ZNF395: variants seen among roughly 807,000 people sequenced by gnomAD.
The protein encoded by ZNF395 is zinc finger protein 395, also known as HD gene regulatory region-binding protein 2.
ZNF395 carries 20 observed loss-of-function variants against 57.7 expected under a neutral mutation model. The observed-to-expected ratio is 0.35, with a 90% CI of 0.24 to 0.50. The LOEUF is 0.50. ZNF395 is among the 20% of genes least tolerant of loss of function. The probability of loss-of-function intolerance (pLI) is 0.97; values close to 1 mark genes in which losing one functional copy is unlikely to be tolerated. For missense variants in ZNF395, 606 were observed against 671.2 expected, an observed-to-expected ratio of 0.90 and a Z score of 1.07; for synonymous variants, 295 against 275.9, an observed-to-expected ratio of 1.07 and a Z score of -0.69.
chr8:28,349,221 C>G lies in ZNF395; in HGVS notation c.1334G>C (p.Ser445Thr), dbSNP rs978469573. 3.9e-6 allele frequency: 6 copies of G among 1,543,930 alleles called. No homozygotes were observed. In the African/African-American group the frequency reaches 8.3e-5, roughly 21 times the overall value. ...SAACSLSPVR[S>T]RSLSFSEPQQ... is the part of the protein sequence containing the mutation. ...GGGCTCGCTGAAGCTTAGCGACCGGCTCCGGACCTGGGCGTGGGGAGAGGG... is the reference window on the plus strand; with the variant it reads ...GGGCTCGCTGAAGCTTAGCGACCGGGTCCGGACCTGGGCGTGGGGAGAGGG... Residue 445 changes from serine (S) to threonine (T), a missense_variant, in exon 9 of 10, where the codon AGC (serine) becomes ACC (threonine). Ser to Thr is a moderately conservative substitution (Grantham distance 58). Around this residue, in one of 3 missense-constraint regions of ZNF395, gnomAD observed 261 missense variants for 240.3 expected, o/e 1.09. Coordinates refer to ENST00000344423, the MANE Select transcript of ZNF395 (RefSeq NM_018660.3).
chr8:28,366,447 C>CT (rs1801911695), intron 1 of ZNF395, among the ~76,000 whole-genome samples: 1 of 152,088 alleles, frequency 6.6e-6, no homozygotes, highest in African/African-American at 2.4e-5. Context: ...TGGTACACGC[C>CT]TATAGTTCCA....
chr8:28,358,535 C>T (rs769893385), intron 3 of ZNF395, among the ~76,000 whole-genome samples: 18 of 152,038 alleles, frequency 1.2e-4, no homozygotes, highest in South Asian at 2.1e-4. Flanking sequence ...ACCTGGACTC[C>T]AGCAATCCTC....
chr8:28,360,991 G>C lies in ZNF395; in HGVS notation c.134C>G (p.Pro45Arg). Residue 45 changes from proline (P) to arginine (R), a missense_variant, in exon 2 of 10, where the codon CCT becomes CGT. Pro to Arg is a moderately radical substitution (Grantham distance 103). Coordinates refer to ENST00000344423, the MANE Select transcript of ZNF395 (RefSeq NM_018660.3). ...GGGGGTGTCATCAGAGGTGGTGAAAGGCTGGGGAGCGGCCCCTTCTAGCAG... is the reference window on the plus strand; with the variant it reads ...GGGGGTGTCATCAGAGGTGGTGAAACGCTGGGGAGCGGCCCCTTCTAGCAG... ...EPLLEGAAPQ[P>R]FTTSDDTPCQ... is the part of the protein sequence containing the mutation. 6.2e-7 allele frequency: 1 copy of C among 1,612,340 alleles called. No individual in the cohort carries two copies.
At chr8:28,353,582 C>G (rs1801745362) in intron 4 of ZNF395, among the ~76,000 whole-genome samples, 174 bp from the exon 5 acceptor site, 1 of 152,176 alleles carries the variant, frequency 6.6e-6, no homozygotes, top group African/African-American at 2.4e-5. Context: ...TCATCACTGA[C>G]CAACAGATAC....
In ZNF395 at chr8:28,346,960, A is replaced by C; in HGVS notation, c.*1759T>G. On this transcript the variant is annotated 3_prime_UTR_variant, in exon 10 of 10. Transcript: ENST00000344423. ...CCACATACATTTTTTTTTTTTTACT[A>C]AGTTATAAAAAAAAAAACCCCATCA... 1 of 149,174 alleles carries C rather than the reference A, an allele frequency of 6.7e-6. No homozygotes were observed. 9.2% of individuals were successfully genotyped at this position (149,174 alleles called of 1,614,324 possible). A position where few individuals can be genotyped will look rare whatever the true frequency, so the allele number is the denominator to read the frequency against.
At chr8:28,369,783 C>T (rs1308149663) in intron 1 of ZNF395, among the ~76,000 whole-genome samples, 1 of 152,202 alleles carries the variant, frequency 6.6e-6, no homozygotes, top group Non-Finnish European at 1.5e-5. Flanking sequence ...GGGAAAGGGC[C>T]CCAGAGCAGA....
At chr8:28,360,305 G>A (rs1243175388) in intron 2 of ZNF395, among the ~76,000 whole-genome samples, 1 of 152,230 alleles carries the variant, frequency 6.6e-6, no homozygotes, top group Non-Finnish European at 1.5e-5. Context: ...AGGGAGGCCT[G>A]GAGGCACAAG....
chr8:28,351,398 G>T, intron 7 of ZNF395, 97 bp downstream of exon 7: 1 of 1,384,402 alleles, frequency 7.2e-7, no homozygotes. Flanking sequence ...TGGCCAAAGG[G>T]CTCAGCCTTC....
At chr8:28,372,973 T>C (rs1801995051) in intron 1 of ZNF395, among the ~76,000 whole-genome samples, 1 of 151,920 alleles carries the variant, frequency 6.6e-6, no homozygotes, top group African/African-American at 2.4e-5. Context: ...TCACCAAATA[T>C]TGAAATGACA....
At position 28,350,091 on chromosome 8, in the gene ZNF395, G is replaced by A; in HGVS notation, c.1299C>T (p.Ala433=). ...GAGAGAGAGAGCAGGCGGCGGAGGG[G>A]GCAGCAGCCCAGCTGACACTGGTGT... ...HIYTSVSWAA[A]PSAACSLSPV... is the part of the protein sequence containing the mutation. Residue 433 remains alanine (A), a synonymous_variant, in exon 8 of 10, where the codon GCC becomes GCT. Transcript: ENST00000344423. The A allele has an allele frequency of 6.2e-7, 1 of 1,606,940 alleles. No homozygotes were observed. Among genetic ancestry groups the A allele is most frequent in the Non-Finnish European group, 8.5e-7 (1 of 1,178,178 alleles).
At chr8:28,381,583 T>C (rs986518941) in intron 1 of ZNF395, among the ~76,000 whole-genome samples, 1 of 152,224 alleles carries the variant, frequency 6.6e-6, no homozygotes, top group African/African-American at 2.4e-5. Context: ...GCTCTTAGTC[T>C]TGGGTGGTAA....
At chr8:28,376,521 G>C (rs1802042116) in intron 1 of ZNF395, among the ~76,000 whole-genome samples, 1 of 152,074 alleles carries the variant, frequency 6.6e-6, no homozygotes. Flanking sequence ...TCCGGAGGCT[G>C]AGGCAGGGAG....
rs538126427 is a variant in ZNF395 at position 28,373,492 on chromosome 8, C to T, written c.-58-12310G>A. On this transcript the variant is annotated intron_variant, in intron 1 of 9. Transcript: ENST00000344423. Reference sequence around the variant, plus strand: ...ACATCATGCTTCCAAACGCCTCACGCTTTGCTTGAGTGTTTAAGCCACACT... The same window carrying T: ...ACATCATGCTTCCAAACGCCTCACGTTTTGCTTGAGTGTTTAAGCCACACT... Among the ~76,000 whole-genome samples, 23 of 152,248 alleles carry T rather than the reference C, an allele frequency of 1.5e-4. No individual in the cohort carries two copies. The South Asian group carries it at 4.8e-3, about 31-fold the overall frequency.
chr8:28,351,627 A>AAGAGC lies in ZNF395; in HGVS notation c.1096_1100dup (p.Pro368LeufsTer83). 1 of 1,613,566 alleles carries AAGAGC rather than the reference A, an allele frequency of 6.2e-7. No individual in the cohort carries two copies. Among genetic ancestry groups the AAGAGC allele is most frequent in the Non-Finnish European group, 8.5e-7 (1 of 1,179,988 alleles). On this transcript the variant is annotated frameshift_variant, in exon 7 of 10. Transcript: ENST00000344423. LOFTEE classifies it high-confidence loss of function. ...ACTGGGCTTTGTGCAGAGGTGGTGG[A>AAGAGC]AGAGCAGACAGAGGCAGGCCAGTCA...
Position 28,351,500 on chromosome 8 carries a change from A to C in ZNF395, c.1228T>G (p.Tyr410Asp). ...CAGCGAGCCCCGCCCCATACCTGGTATGCATGATCTGCCTGAATGTGCCAG... is the reference window on the plus strand; with the variant it reads ...CAGCGAGCCCCGCCCCATACCTGGTCTGCATGATCTGCCTGAATGTGCCAG... The part of the protein sequence containing the change: ...SFWHIQADHA[Y>D]QALPSFQIPV... The change falls in exon 7 of 10, where the codon TAC (tyrosine) becomes GAC (aspartate). Residue 410 changes from tyrosine (Y) to aspartate (D), a missense_variant. Transcript: ENST00000344423. 1 of 1,601,160 alleles carries C rather than the reference A, an allele frequency of 6.2e-7. No homozygotes were observed. The highest frequency in any genetic ancestry group is 8.5e-7 in the Non-Finnish European group (1 of 1,170,538).
rs565681323 is a variant in ZNF395, at chr8:28,353,391, C to T, written c.601G>A (p.Asp201Asn). The T allele has an allele frequency of 5.2e-6, 8 of 1,550,198 alleles. No individual in the cohort carries two copies. The highest frequency in any genetic ancestry group is 2.3e-5 in the East Asian group (1 of 43,984). The change falls in exon 5 of 10, where the codon GAC becomes AAC. Residue 201 changes from aspartate to asparagine, a missense_variant. Physicochemically the swap from Asp to Asn is conservative, Grantham distance 23. Coordinates refer to ENST00000344423, the MANE Select transcript of ZNF395 (RefSeq NM_018660.3). Reference protein sequence around the residue: ...ANFSASRAACDPWKESGDISD... With the variant: ...ANFSASRAACNPWKESGDISD... ...ATGTCACCACTCTCCTTCCATGGGTCGCAGGCCGCACGGGAAGCTGGCCAG... is the reference window on the plus strand; with the variant it reads ...ATGTCACCACTCTCCTTCCATGGGTTGCAGGCCGCACGGGAAGCTGGCCAG...
rs568956696 is a variant in ZNF395, at chr8:28,358,549, C to T, written c.473+1043G>A. On this transcript the variant is annotated intron_variant, in intron 3 of 9. Transcript: ENST00000344423. ...CACCTGGACTCCAGCAATCCTCCTG[C>T]CTCAGCTTCCTAAGTAGCTGGGACT... Among the ~76,000 whole-genome samples, 3 of 152,238 alleles carry T rather than the reference C, an allele frequency of 2.0e-5. 1 individual carries two copies. The highest frequency in any genetic ancestry group is 2.0e-4 in the Admixed American group (3 of 15,292).
intron 9 of ZNF395, 38 bp downstream of exon 9, chr8:28,349,087 A>G: frequency 6.5e-7 from 1 of 1,549,694 alleles, no homozygotes; most frequent in African/African-American, 1.4e-5. Context: ...GACAGGGCAC[A>G]GAAACCAGAA....
In ZNF395 at chr8:28,352,488, T is replaced by C. The variant is rs111616721; in HGVS notation, c.920+85A>G. 2 of 1,221,792 alleles carry C rather than the reference T, an allele frequency of 1.6e-6. No individual in the cohort carries two copies. Among genetic ancestry groups the C allele is most frequent in the African/African-American group, 1.5e-5 (1 of 67,368 alleles). The allele number at this position is 1,221,792 out of a possible 1,614,324, so 75.7% of individuals were successfully genotyped here. ...CAGCAAGCCACGTTCCTGAAAGCAC[T>C]GTGGGCTGTGGGTCACAGGGACTCG... On this transcript the variant is annotated intron_variant, in intron 6 of 9. Coordinates refer to ENST00000344423, the MANE Select transcript of ZNF395 (RefSeq NM_018660.3). The surrounding 1 kb of genome is among the most constrained non-coding windows in gnomAD (Gnocchi z 4.0).
Sources: allele counts gnomAD v4.1 joint callset (sites outside exome capture counted in the v4.1 genomes callset), GRCh38; gene constraint gnomAD v4.1.1; regional missense constraint gnomAD v4.1.1; non-coding constraint Gnocchi (gnomAD v3.1); transcripts MANE v1.5; gene names NCBI Gene and HGNC (gene_info 2026-07-23, HGNC 2026-07-21).